The following AMACR variants were observed in gnomAD, a reference collection of about 807,000 sequenced individuals.
AMACR encodes the protein alpha-methylacyl-CoA racemase, also known as 2-methylacyl-CoA racemase.
AMACR carries 18 observed loss-of-function variants against 22.2 expected under a neutral mutation model. The ratio of observed to expected loss-of-function variants is 0.81; its 90% CI spans 0.56 to 1.20. AMACR has a LOEUF of 1.20. Among genes scored for constraint, AMACR ranks in the 50% most tolerant of loss-of-function variants. The pLI, the probability that AMACR is intolerant of heterozygous loss-of-function variation, is 0.00. For missense variants in AMACR, 499 were observed against 490.6 expected (o/e 1.02, Z -0.16); for synonymous variants, 213 against 191.3 (o/e 1.11, Z -0.94).
At chr5:33,990,906 C>A (rs1753452627) in intron 4 of AMACR, among the ~76,000 whole-genome samples, 1 of 152,194 alleles carries the variant, frequency 6.6e-6, no homozygotes, top group Non-Finnish European at 1.5e-5. Context: ...AACCACCAGT[C>A]CCATTCAAAT....
At chr5:33,995,248 A>G (rs1433323926) in intron 4 of AMACR, among the ~76,000 whole-genome samples, 1 of 152,154 alleles carries the variant, frequency 6.6e-6, no homozygotes, top group Non-Finnish European at 1.5e-5. Flanking sequence ...TGTTCAAGTA[A>G]CCCTTATTTT....
intron 4 of AMACR, among the ~76,000 whole-genome samples, chr5:33,989,798 GA>G (rs1245975399): frequency 6.6e-6 from 1 of 151,524 alleles, no homozygotes; most frequent in Non-Finnish European, 1.5e-5. Context: ...AGTAGATTTT[GA>G]AAAAAAATTT....
At chr5:34,003,986 T>A (rs946755023) in intron 3 of AMACR, among the ~76,000 whole-genome samples, 1 of 152,216 alleles carries the variant, frequency 6.6e-6, no homozygotes, top group Non-Finnish European at 1.5e-5. Context: ...GTATTCCAAA[T>A]GCAGTTTTGA....
rs1186520107 is a variant in AMACR at position 34,007,792 on chromosome 5, C to G, written c.228G>C (p.Leu76=). 6.4e-7 allele frequency: 1 copy of G among 1,568,240 alleles called. No individual in the cohort carries two copies. Among genetic ancestry groups the G allele is most frequent in the Non-Finnish European group, 8.6e-7 (1 of 1,162,334 alleles). The change falls in exon 1 of 5, where the codon CTG becomes CTC. Residue 76 remains leucine (L), a synonymous_variant. Transcript: ENST00000335606. ...GCTCACCGCGGCGGAAGGGCTCCAG[C>G]AGCACATCCGACCGCTTGCACAGAC... ...LRRLCKRSDV[L]LEPFRRGVME...
At position 33,992,554 on chromosome 5, in the gene AMACR, C is replaced by A. The variant is rs531791556; in HGVS notation, c.740-3052G>T. On this transcript the variant is annotated intron_variant, in intron 4 of 4. Transcript: ENST00000335606. The stretch of plus-strand genomic sequence containing the variant: ...AAAGTCCCTGTCTCTACAAAAAAAT[C>A]AAAAAGTTAGCCAGGCCTGGTGGCA... 4.6e-3 allele frequency among the ~76,000 whole-genome samples: 695 copies of A among 151,928 alleles called. 9 individuals carry two copies. Among genetic ancestry groups the A allele is most frequent in the African/African-American group, 0.016 (670 of 41,460 alleles).
Position 34,005,894 on chromosome 5 carries a change from T to C in AMACR, c.253A>G (p.Met85Val), listed in dbSNP as rs746627394. ...TCTGGGCCCAGCTGGAGTTTCTCCA[T>C]GACACCTTAAGAGAAAAGTAACGAT... The part of the protein sequence containing the change: ...VLLEPFRRGV[M>V]EKLQLGPEIL... Residue 85 changes from methionine (M) to valine (V), a missense_variant, in exon 2 of 5, where the codon ATG becomes GTG. By Grantham distance (21) the Met-to-Val change is conservative. Transcript: ENST00000335606. The C allele has an allele frequency of 1.2e-6, 2 of 1,614,162 alleles. No individual in the cohort carries two copies. The highest frequency in any genetic ancestry group is 1.1e-5 in the South Asian group (1 of 91,086).
Position 33,989,458 on chromosome 5 carries a change from C to G in AMACR, c.784G>C (p.Asp262His). The G allele has an allele frequency of 6.2e-7, 1 of 1,614,196 alleles. No individual in the cohort carries two copies. Residue 262 changes from aspartate to histidine, a missense_variant, in exon 5 of 5, where the codon GAT becomes CAT. Coordinates refer to ENST00000335606, the MANE Select transcript of AMACR (RefSeq NM_014324.6). The stretch of plus-strand genomic sequence containing the variant: ...TTCTTCTTCATTTCTGGCCAATCAT[C>G]CATGCTCATCTGATTGGGAAGTTCA... ...SDELPNQMSM[D>H]DWPEMKKKFA...
intron 4 of AMACR, chr5:33,997,529 A>C (rs1300223117): frequency 6.4e-6 from 5 of 779,894 alleles, no homozygotes; most frequent in Middle Eastern, 2.3e-4. Flanking sequence ...CTGGCCAAGG[A>C]CCAGAACTCA....
chr5:33,988,117 C>A lies in AMACR; in HGVS notation c.*976G>T. 1 of 526,716 alleles carries A rather than the reference C, an allele frequency of 1.9e-6. No homozygotes were observed. Among genetic ancestry groups the A allele is most frequent in the Non-Finnish European group, 3.4e-6 (1 of 297,966 alleles). The allele number at this position is 526,716 out of a possible 1,614,324, so 32.6% of individuals were successfully genotyped here. ...CTACTCCCTCTACTCTGATGGCACC[C>A]GGATTAGATTGTGGAATCTACCCCT... is the stretch of plus-strand genomic sequence containing the variant. On this transcript the variant is annotated 3_prime_UTR_variant, in exon 5 of 5. Transcript: ENST00000335606.
chr5:33,988,967 C>A lies in AMACR; in HGVS notation c.*126G>T, dbSNP rs947231666. ...CACTGTAGAATCAGAGTCTGTAATT[C>A]TTTTCTTGATTAGAGTGGTAGGACA... On this transcript the variant is annotated 3_prime_UTR_variant, in exon 5 of 5. Transcript: ENST00000335606. 2.2e-5 allele frequency: 33 copies of A among 1,514,638 alleles called. No homozygotes were observed. The highest frequency in any genetic ancestry group is 2.8e-5 in the Non-Finnish European group (32 of 1,133,034). 93.8% of individuals were successfully genotyped at this position (1,514,638 alleles called of 1,614,324 possible).
At position 34,007,994 on chromosome 5, in the gene AMACR, A is replaced by G; in HGVS notation, c.26T>C (p.Val9Ala). 1 of 1,611,572 alleles carries G rather than the reference A, an allele frequency of 6.2e-7. No individual in the cohort carries two copies. The highest frequency in any genetic ancestry group is 8.5e-7 in the Non-Finnish European group (1 of 1,179,766). MALQGISVVELSGLAPGPF... is the reference protein window; with the variant it reads MALQGISVAELSGLAPGPF... Reference sequence around the variant, plus strand: ...GCCCGGGGCCAGGCCGGACAGCTCCACGACCGAGATGCCCTGCAGTGCCAT... The same window carrying G: ...GCCCGGGGCCAGGCCGGACAGCTCCGCGACCGAGATGCCCTGCAGTGCCAT... Residue 9 changes from valine (V) to alanine (A), a missense_variant, in exon 1 of 5, where the codon GTG (valine) becomes GCG (alanine). Physicochemically the swap from Val to Ala is moderately conservative, Grantham distance 64 (BLOSUM62 0). Transcript: ENST00000335606.
chr5:33,997,337 T>C, intron 4 of AMACR: 1 of 775,042 alleles, frequency 1.3e-6, no homozygotes, highest in Middle Eastern at 2.3e-4. Context: ...AAATTTTTAA[T>C]CATCATTGGC....
Position 34,004,725 on chromosome 5 carries a change from G to A in AMACR, c.401C>T (p.Ser134Leu). 3 of 1,614,160 alleles carry A rather than the reference G, an allele frequency of 1.9e-6. No individual in the cohort carries two copies. The highest frequency in any genetic ancestry group is 2.5e-6 in the Non-Finnish European group (3 of 1,180,032). Residue 134 changes from serine (S) to leucine (L), a missense_variant, in exon 3 of 5, where the codon TCA becomes TTA. Physicochemically the swap from Ser to Leu is moderately radical, Grantham distance 145. Coordinates refer to ENST00000335606, the MANE Select transcript of AMACR (RefSeq NM_014324.6). ...INYLALSGVL[S>L]KIGRSGENPY... ...ATTCTCACCACTTCTGCCAATTTTTGAGAGAACACCTACATCATTAAAAAC... is the reference window on the plus strand; with the variant it reads ...ATTCTCACCACTTCTGCCAATTTTTAAGAGAACACCTACATCATTAAAAAC...
rs551420406 is a variant in AMACR, at chr5:33,999,262, T to C, written c.553-435A>G. 2.6e-5 allele frequency among the ~76,000 whole-genome samples: 4 copies of C among 152,340 alleles called. No individual in the cohort carries two copies. In the East Asian group the frequency reaches 7.7e-4, roughly 29 times the overall value. Reference sequence around the variant, plus strand: ...ATACCTATAAACACACACAGATGTATAAACCATACCACATTTTAAAGGTAA... The same window carrying C: ...ATACCTATAAACACACACAGATGTACAAACCATACCACATTTTAAAGGTAA... On this transcript the variant is annotated intron_variant, in intron 3 of 4. Coordinates refer to ENST00000335606, the MANE Select transcript of AMACR (RefSeq NM_014324.6).
chr5:33,999,551 C>T (rs1372107574), intron 3 of AMACR, among the ~76,000 whole-genome samples: 1 of 152,144 alleles, frequency 6.6e-6, no homozygotes, highest in African/African-American at 2.4e-5. Context: ...TCACAAGGCT[C>T]AAACTCAAAG....
At position 33,988,714 on chromosome 5, in the gene AMACR, A is replaced by G; in HGVS notation, c.*379T>C. 1.7e-6 allele frequency: 2 copies of G among 1,194,952 alleles called. No individual in the cohort carries two copies. Among genetic ancestry groups the G allele is most frequent in the Non-Finnish European group, 2.1e-6 (2 of 960,502 alleles). The allele number at this position is 1,194,952 out of a possible 1,614,324, so 74.0% of individuals were successfully genotyped here. On this transcript the variant is annotated 3_prime_UTR_variant, in exon 5 of 5. Coordinates refer to ENST00000335606, the MANE Select transcript of AMACR (RefSeq NM_014324.6). Reference sequence around the variant, plus strand: ...ACCATACAATTTGTGGCATTTCCTCATTTTCTACATTGTAGAATCAAGAGT... The same window carrying G: ...ACCATACAATTTGTGGCATTTCCTCGTTTTCTACATTGTAGAATCAAGAGT...
chr5:34,004,406 T>G (rs538041273), intron 3 of AMACR, among the ~76,000 whole-genome samples, 168 bp downstream of exon 3: 2 of 152,342 alleles, frequency 1.3e-5, no homozygotes, highest in South Asian at 4.1e-4. Flanking sequence ...CTAACAGATA[T>G]ATAAAAGACA....
At chr5:33,996,166 TA>T (rs34284851) in intron 4 of AMACR, among the ~76,000 whole-genome samples, 21 of 147,986 alleles carry the variant, frequency 1.4e-4, no homozygotes, top group South Asian at 4.3e-4. Context: ...GTTGATTTAA[TA>T]AAAAAAAAAG....
Position 33,988,850 on chromosome 5 carries a change from G to T in AMACR, c.*243C>A. ...TATCAACAAATATATCAAGCAAACTGGAAGGCAGAATAACTACCATAATTT... is the reference window on the plus strand; with the variant it reads ...TATCAACAAATATATCAAGCAAACTTGAAGGCAGAATAACTACCATAATTT... On this transcript the variant is annotated 3_prime_UTR_variant, in exon 5 of 5. Coordinates refer to ENST00000335606, the MANE Select transcript of AMACR (RefSeq NM_014324.6). The T allele has an allele frequency of 7.4e-7, 1 of 1,352,564 alleles. No individual in the cohort carries two copies. The allele number at this position is 1,352,564 out of a possible 1,614,324, so 83.8% of individuals were successfully genotyped here.
Sources: gnomAD v4.1 joint callset for allele counts (sites outside exome capture counted in the v4.1 genomes callset) on GRCh38, gnomAD v4.1.1 for gene constraint, MANE v1.5 for transcripts, NCBI Gene and HGNC (gene_info 2026-07-23, HGNC 2026-07-21) for gene names.